Variants in CA2 observed in about 807,000 individuals in gnomAD.
CA2 encodes carbonic anhydrase 2.
Under a neutral mutation model 27.8 loss-of-function variants are expected in CA2, and 23 were observed. The ratio of observed to expected loss-of-function variants is 0.83; its 90% CI spans 0.59 to 1.17. CA2 has a LOEUF of 1.17. Ranked by LOEUF, CA2 falls within the 50% of genes most tolerant of loss-of-function variation. The pLI is 0.00. For missense variants in CA2, 300 were observed against 314.7 expected (o/e 0.95, Z 0.35); for synonymous variants, 99 against 114.9 (o/e 0.86, Z 0.88).
intron 4 of CA2, among the ~76,000 whole-genome samples, chr8:85,475,100 G>A (rs1811772328): frequency 6.6e-6 from 1 of 152,034 alleles, no homozygotes; most frequent in Admixed American, 6.6e-5. Context: ...TTGAGGCCAG[G>A]AGCTCAAGAC....
In CA2 at chr8:85,475,905, A is replaced by G. The variant is rs144586271; in HGVS notation, c.507+45A>G. On this transcript the variant is annotated intron_variant, in intron 5 of 6. Transcript: ENST00000285379. ...CACCTCCTTAGGGTACCAATTTTCA[A>G]TACTCCATTGGTTTTAGAAATTTCT... is the stretch of plus-strand genomic sequence containing the variant. 3.1e-4 allele frequency: 465 copies of G among 1,483,972 alleles called. No homozygotes were observed. The African/African-American group carries it at 5.9e-3, about 19-fold the overall frequency. 91.9% of individuals were successfully genotyped at this position (1,483,972 alleles called of 1,614,324 possible). A position where few individuals can be genotyped will look rare whatever the true frequency, so the allele number is the denominator to read the frequency against.
intron 1 of CA2, 46 bp from the exon 2 acceptor site, chr8:85,465,226 G>A (rs1407459835): frequency 3.4e-5 from 50 of 1,484,236 alleles, no homozygotes; most frequent in Non-Finnish European, 4.6e-5. Context: ...GGGTCTGGGT[G>A]TACCTTTCCC....
At chr8:85,472,915 C>T (rs1342667582) in intron 2 of CA2, among the ~76,000 whole-genome samples, 1 of 151,530 alleles carries the variant, frequency 6.6e-6, no homozygotes, top group African/African-American at 2.4e-5. Flanking sequence ...CGCTTGAACT[C>T]TGCTTGAGGC....
chr8:85,477,325 G>T, intron 6 of CA2, 50 bp downstream of exon 6: 1 of 1,608,346 alleles, frequency 6.2e-7, no homozygotes, highest in Non-Finnish European at 8.5e-7. Flanking sequence ...TTTAGTCAAG[G>T]CAGAAGACCT....
intron 2 of CA2, chr8:85,473,469 G>T: frequency 1.5e-6 from 1 of 656,850 alleles, no homozygotes; most frequent in African/African-American, 1.8e-5. Context: ...ATAAAAACAG[G>T]TAAAGTGATT....
intron 2 of CA2, among the ~76,000 whole-genome samples, chr8:85,466,298 G>T (rs529764087): frequency 6.6e-6 from 1 of 151,962 alleles, no homozygotes; most frequent in East Asian, 1.9e-4. Flanking sequence ...GCTTTCCTCT[G>T]AAGGTCATAG....
chr8:85,471,698 C>A (rs1391815243), intron 2 of CA2, among the ~76,000 whole-genome samples: 1 of 151,806 alleles, frequency 6.6e-6, no homozygotes, highest in Admixed American at 6.6e-5. Context: ...TTATTATCAG[C>A]CAGTTGGTTG....
rs139250019 is a variant in CA2, at chr8:85,479,792, A to G, written c.664-878A>G. ...CTAAAATGCTGTTTTTAAAACAGGA[A>G]AGTAGAATGGTTGAGTGCAAATCCA... On this transcript the variant is annotated intron_variant, in intron 6 of 6. Transcript: ENST00000285379. Among the ~76,000 whole-genome samples, 562 of 152,346 alleles carry G rather than the reference A, an allele frequency of 3.7e-3. 3 individuals carry two copies. The highest frequency in any genetic ancestry group is 0.013 in the African/African-American group (534 of 41,588).
chr8:85,477,535 A>AAT (rs1293688723), intron 6 of CA2, among the ~76,000 whole-genome samples: 1 of 124,300 alleles, frequency 8.0e-6, no homozygotes, highest in South Asian at 2.4e-4. Context: ...TCTGTCACCT[A>AAT]ATAAATGCCT....
At position 85,464,027 on chromosome 8, in the gene CA2, C is replaced by A. The variant is rs1292208446; in HGVS notation, c.-55C>A. 38 of 1,518,982 alleles carry A rather than the reference C, an allele frequency of 2.5e-5. No homozygotes were observed. The highest frequency in any genetic ancestry group is 2.2e-4 in the South Asian group (18 of 83,418). The allele number at this position is 1,518,982 out of a possible 1,614,324, so 94.1% of individuals were successfully genotyped here. A position where few individuals can be genotyped will look rare whatever the true frequency, so the allele number is the denominator to read the frequency against. On this transcript the variant is annotated 5_prime_UTR_variant, in exon 1 of 7. Coordinates refer to ENST00000285379, the MANE Select transcript of CA2 (RefSeq NM_000067.3). Reference sequence around the variant, plus strand: ...CGGACACACAGTGCAGGCGCCCAAGCCGCCGCCGCCAGATCGGTGCCGATT... The same window carrying A: ...CGGACACACAGTGCAGGCGCCCAAGACGCCGCCGCCAGATCGGTGCCGATT...
chr8:85,477,546 T>TC (rs1026775571), intron 6 of CA2, among the ~76,000 whole-genome samples: 2 of 142,174 alleles, frequency 1.4e-5, no homozygotes, highest in African/African-American at 5.9e-5. Context: ...ATAAATGCCT[T>TC]TTTTTTTTTT....
At position 85,464,110 on chromosome 8, in the gene CA2, A is replaced by T; in HGVS notation, c.29A>T (p.His10Leu). The T allele has an allele frequency of 6.5e-7, 1 of 1,545,008 alleles. No individual in the cohort carries two copies. Among genetic ancestry groups the T allele is most frequent in the African/African-American group, 1.4e-5 (1 of 71,992 alleles). MSHHWGYGKHNGPEHWHKDF... is the reference protein window; with the variant it reads MSHHWGYGKLNGPEHWHKDF... ...TCCCATCACTGGGGGTACGGCAAAC[A>T]CAACGGTGAGTGCCGGCGACGGCCA... is the stretch of plus-strand genomic sequence containing the variant. The change falls in exon 1 of 7, where the codon CAC becomes CTC. Residue 10 changes from histidine (H) to leucine (L), a missense_variant. This residue lies in a region of CA2 where 122 missense variants were observed against 133.2 expected (regional missense o/e 0.92). Transcript: ENST00000285379.
chr8:85,475,114 C>T (rs1811772610), intron 4 of CA2, among the ~76,000 whole-genome samples: 1 of 151,964 alleles, frequency 6.6e-6, no homozygotes, highest in Admixed American at 6.6e-5. Context: ...TCAAGACCAG[C>T]CTGGGCAACA....
rs372472858 is a variant in CA2 at position 85,477,101 on chromosome 8, C to T, written c.508-19C>T. 112 of 1,613,384 alleles carry T rather than the reference C, an allele frequency of 6.9e-5. No individual in the cohort carries two copies. Among genetic ancestry groups the T allele is most frequent in the Non-Finnish European group, 9.2e-5 (109 of 1,179,520 alleles). ...CTGTCAATGTGATAGTTTGAAGCTG[C>T]GTATTTGCCTTGTTCTAGGGCAAGA... On this transcript the variant is annotated intron_variant, in intron 5 of 6. Transcript: ENST00000285379.
chr8:85,471,192 C>T (rs1033469236), intron 2 of CA2, among the ~76,000 whole-genome samples: 6 of 152,068 alleles, frequency 3.9e-5, no homozygotes, highest in African/African-American at 9.7e-5. Flanking sequence ...TGACTAAACT[C>T]CATGCTAAGA....
rs201044885 is a variant in CA2 at position 85,480,728 on chromosome 8, T to G, written c.722T>G (p.Val241Gly). 2 of 1,613,968 alleles carry G rather than the reference T, an allele frequency of 1.2e-6. No homozygotes were observed. Among genetic ancestry groups the G allele is most frequent in the Admixed American group, 3.3e-5 (2 of 59,984 alleles). ...GAGGGTGAACCCGAAGAACTGATGG[T>G]GGACAACTGGCGCCCAGCTCAGCCA... ...NGEGEPEELM[V>G]DNWRPAQPLK... is the part of the protein sequence containing the mutation. The change falls in exon 7 of 7, where the codon GTG (valine) becomes GGG (glycine). Residue 241 changes from valine (V) to glycine (G), a missense_variant. Coordinates refer to ENST00000285379, the MANE Select transcript of CA2 (RefSeq NM_000067.3).
At chr8:85,471,378 A>G (rs1416570355) in intron 2 of CA2, among the ~76,000 whole-genome samples, 1 of 66,960 alleles carries the variant, frequency 1.5e-5, no homozygotes, top group Non-Finnish European at 2.7e-5. Flanking sequence ...AGCCCAGAGC[A>G]CTTTATCTTT....
chr8:85,469,643 C>A (rs889412668), intron 2 of CA2, among the ~76,000 whole-genome samples: 3 of 152,150 alleles, frequency 2.0e-5, no homozygotes, highest in African/African-American at 7.2e-5. Flanking sequence ...AAATTATTAA[C>A]TCCTGCTAAC....
rs143595353 is a variant in CA2, at chr8:85,476,979, G to A, written c.508-141G>A. 2.2e-3 allele frequency: 1,566 copies of A among 707,350 alleles called. 17 individuals are homozygous for A. The African/African-American group carries it at 0.024, about 11-fold the overall frequency. The allele number at this position is 707,350 out of a possible 1,614,324, so 43.8% of individuals were successfully genotyped here. A position where few individuals can be genotyped will look rare whatever the true frequency, so the allele number is the denominator to read the frequency against. ...CTGTTAATTTCTCTTTATTTTGTTT[G>A]CCAGTGAATATAGAACCTCTTTTTT... On this transcript the variant is annotated intron_variant, in intron 5 of 6. Transcript: ENST00000285379.
Sources: allele counts gnomAD v4.1 joint callset (sites outside exome capture counted in the v4.1 genomes callset), GRCh38; gene constraint gnomAD v4.1.1; regional missense constraint gnomAD v4.1.1; transcripts MANE v1.5; gene names NCBI Gene and HGNC (gene_info 2026-07-23, HGNC 2026-07-21).